OXSR1: variants seen among roughly 807,000 people sequenced by gnomAD.
The protein encoded by OXSR1 is oxidative stress responsive kinase 1, also known as serine/threonine-protein kinase OSR1.
A neutral mutation model predicts 79.8 loss-of-function variants in OXSR1; 24 were observed. The observed-to-expected ratio is 0.30, with a 90% confidence interval of 0.22 to 0.42. OXSR1 has a LOEUF of 0.42. OXSR1 is among the 10% of genes least tolerant of loss of function. The probability of loss-of-function intolerance (pLI) is 1.00; values close to 1 mark genes in which losing one functional copy is unlikely to be tolerated. For missense variants in OXSR1, 430 were observed against 618.4 expected (o/e 0.70, Z 3.23); for synonymous variants, 226 against 209.2 (o/e 1.08, Z -0.69).
At chr3:38,166,974 C>T (rs1701477177) in intron 1 of OXSR1, among the ~76,000 whole-genome samples, 1 of 151,954 alleles carries the variant, frequency 6.6e-6, no homozygotes, top group South Asian at 2.1e-4. Context: ...GATTAAGAGC[C>T]TCGGGAAGAT....
At chr3:38,207,521 T>C (rs1420364582) in intron 4 of OXSR1, among the ~76,000 whole-genome samples, 1 of 152,308 alleles carries the variant, frequency 6.6e-6, no homozygotes, top group East Asian at 1.9e-4. Context: ...TAGCAATACC[T>C]GGAGCCATTT....
Position 38,253,716 on chromosome 3 carries a change from T to C in OXSR1, c.*825T>C, listed in dbSNP as rs2125858113. On this transcript the variant is annotated 3_prime_UTR_variant, in exon 18 of 18. Transcript: ENST00000311806. Reference sequence around the variant, plus strand: ...CATAATTCATATCATTGGAGAAGTATTTATTTTCAAATATCAAATTGAAGA... The same window carrying C: ...CATAATTCATATCATTGGAGAAGTACTTATTTTCAAATATCAAATTGAAGA... 1 of 154,352 alleles carries C rather than the reference T, an allele frequency of 6.5e-6. No individual in the cohort carries two copies. The highest frequency in any genetic ancestry group is 2.1e-4 in the South Asian group (1 of 4,834). The allele number at this position is 154,352 out of a possible 1,614,324, so 9.6% of individuals were successfully genotyped here.
At chr3:38,224,058 A>G (rs1176106567) in intron 7 of OXSR1, 145 bp downstream of exon 7, 7 of 554,092 alleles carry the variant, frequency 1.3e-5, no homozygotes, top group African/African-American at 1.2e-4. Context: ...TTGAATATAT[A>G]GTTCAATGGT....
chr3:38,250,882 T>C (rs918621809), intron 15 of OXSR1, among the ~76,000 whole-genome samples: 8 of 151,990 alleles, frequency 5.3e-5, no homozygotes, highest in Non-Finnish European at 1.2e-4. Flanking sequence ...TACCACTGAG[T>C]TGGTTGAAGA....
At chr3:38,197,017 C>T (rs1378199169) in intron 3 of OXSR1, among the ~76,000 whole-genome samples, 5 of 152,188 alleles carry the variant, frequency 3.3e-5, no homozygotes, top group African/African-American at 4.8e-5. Context: ...TGTTTTCTTA[C>T]TAAGCAGTAC....
chr3:38,164,104 T>A (rs1009844133), upstream of OXSR1, among the ~76,000 whole-genome samples: 5 of 152,172 alleles, frequency 3.3e-5, no homozygotes, highest in Admixed American at 2.6e-4. Flanking sequence ...TTTATTTCCA[T>A]GGTTGAGGGC....
Position 38,252,788 on chromosome 3 carries a change from C to T in OXSR1, c.1510-29C>T, listed in dbSNP as rs760792091. ...ACCTGCAAGTTTGTTTATAAATAATCACAGTTTCTCATTTTGTTTGGTTCT... is the reference window on the plus strand; with the variant it reads ...ACCTGCAAGTTTGTTTATAAATAATTACAGTTTCTCATTTTGTTTGGTTCT... On this transcript the variant is annotated intron_variant, in intron 17 of 17. Transcript: ENST00000311806. The T allele has an allele frequency of 2.6e-6, 4 of 1,567,130 alleles. No individual in the cohort carries two copies. The East Asian group carries it at 6.7e-5, about 26-fold the overall frequency.
intron 5 of OXSR1, among the ~76,000 whole-genome samples, chr3:38,219,050 A>T (rs1188492639): frequency 6.6e-6 from 1 of 152,218 alleles, no homozygotes; most frequent in East Asian, 1.9e-4. Context: ...TTAAAACGAA[A>T]GGCAAATGGC....
chr3:38,255,230 A>C lies in OXSR1; in HGVS notation c.*2339A>C, dbSNP rs1056652357. 6.5e-5 allele frequency: 10 copies of C among 152,688 alleles called. No individual in the cohort carries two copies. Among genetic ancestry groups the C allele is most frequent in the African/African-American group, 2.4e-4 (10 of 41,536 alleles). 9.5% of individuals were successfully genotyped at this position (152,688 alleles called of 1,614,324 possible). ...GTAATATGTGCCAATGCTATTTGTG[A>C]AATGTTTGGTCTTTCTAAACGACTA... On this transcript the variant is annotated 3_prime_UTR_variant, in exon 18 of 18. Transcript: ENST00000311806.
intron 1 of OXSR1, among the ~76,000 whole-genome samples, chr3:38,166,615 A>AC (rs1190677969): frequency 6.6e-6 from 1 of 151,952 alleles, no homozygotes; most frequent in African/African-American, 2.4e-5. Flanking sequence ...ATATGGTGAA[A>AC]CCCCGTCTCT....
chr3:38,214,421 C>G (rs1282127125), intron 4 of OXSR1, among the ~76,000 whole-genome samples: 1 of 152,054 alleles, frequency 6.6e-6, no homozygotes, highest in Non-Finnish European at 1.5e-5. Context: ...GAAATATGAT[C>G]ATATAATACT....
At chr3:38,207,152 T>C (rs1348421167) in intron 4 of OXSR1, among the ~76,000 whole-genome samples, 1 of 152,238 alleles carries the variant, frequency 6.6e-6, no homozygotes, top group African/African-American at 2.4e-5. Context: ...GTTTTTCTTG[T>C]ATGAAAGCAG....
intron 11 of OXSR1, among the ~76,000 whole-genome samples, chr3:38,239,642 CT>C (rs1384853875): frequency 2.0e-5 from 3 of 152,194 alleles, no homozygotes; most frequent in Non-Finnish European, 2.9e-5. Flanking sequence ...GTTTTCCCCC[CT>C]ATTCTCAGGC....
At chr3:38,232,325 G>A (rs879169450) in intron 10 of OXSR1, among the ~76,000 whole-genome samples, 1 of 152,132 alleles carries the variant, frequency 6.6e-6, no homozygotes, top group Admixed American at 6.5e-5. Context: ...AGGATGTTGA[G>A]GTGGGAGGAT....
At position 38,242,779 on chromosome 3, in the gene OXSR1, G is replaced by A; in HGVS notation, c.1110+1G>A. ...GAAAGAATCAATATCAAATTCTGAG[G>A]TAAGTAATTGTGATTATTGAATCCT... On this transcript the variant is annotated splice_donor_variant, in intron 12 of 17. Coordinates refer to ENST00000311806, the MANE Select transcript of OXSR1 (RefSeq NM_005109.3). LOFTEE classifies it high-confidence loss of function. 2 of 1,515,422 alleles carry A rather than the reference G, an allele frequency of 1.3e-6. No individual in the cohort carries two copies. The highest frequency in any genetic ancestry group is 1.8e-6 in the Non-Finnish European group (2 of 1,102,496). The allele number at this position is 1,515,422 out of a possible 1,614,324, so 93.9% of individuals were successfully genotyped here.
At chr3:38,231,756 G>A (rs537981052) in intron 10 of OXSR1, among the ~76,000 whole-genome samples, 2 of 151,918 alleles carry the variant, frequency 1.3e-5, no homozygotes, top group African/African-American at 4.8e-5. Context: ...GCTTATTATT[G>A]TTTATAATAA....
intron 2 of OXSR1, among the ~76,000 whole-genome samples, chr3:38,184,478 G>C (rs867293342): frequency 6.6e-6 from 1 of 152,060 alleles, no homozygotes; most frequent in African/African-American, 2.4e-5. Flanking sequence ...GATAAACTGC[G>C]AACTAATTCT....
intron 4 of OXSR1, among the ~76,000 whole-genome samples, chr3:38,207,213 A>G (rs1182487450): frequency 1.5e-4 from 23 of 152,356 alleles, no homozygotes. Context: ...TTACAGAAAC[A>G]GGCAATGGAC....
chr3:38,193,276 C>T (rs1332858196), intron 3 of OXSR1: 2 of 1,289,610 alleles, frequency 1.6e-6, no homozygotes, highest in South Asian at 1.2e-5. Flanking sequence ...GTTTCAATCC[C>T]ATTAGTGACA....
Sources: gnomAD v4.1 joint callset for allele counts (sites outside exome capture counted in the v4.1 genomes callset) on GRCh38, gnomAD v4.1.1 for gene constraint, MANE v1.5 for transcripts, NCBI Gene and HGNC (gene_info 2026-07-23, HGNC 2026-07-21) for gene names.